SGTA: variants seen among roughly 807,000 people sequenced by gnomAD.
SGTA encodes small glutamine rich tetratricopeptide repeat co-chaperone alpha, also known as small glutamine-rich tetratricopeptide repeat-containing protein alpha.
In SGTA, 22 loss-of-function variants were observed where a neutral mutation model predicts 44.3. The observed-to-expected ratio is 0.50, with a 90% CI of 0.36 to 0.71. The LOEUF is 0.71. SGTA is among the 30% of genes least tolerant of loss of function. The pLI, the probability that SGTA is intolerant of heterozygous loss-of-function variation, is 0.00. For missense variants in SGTA, 341 were observed against 435.9 expected, an observed-to-expected ratio of 0.78 and a Z score of 1.94; for synonymous variants, 174 against 177.6, an observed-to-expected ratio of 0.98 and a Z score of 0.16.
intron 11 of SGTA, among the ~76,000 whole-genome samples, chr19:2,756,226 AAAAT>A (rs1034392707): frequency 1.7e-4 from 26 of 152,128 alleles, no homozygotes; most frequent in African/African-American, 6.0e-4. Flanking sequence ...AAGAAAAGGA[AAAAT>A]AAATAAAAGC....
Position 2,761,678 on chromosome 19 carries a change from C to T in SGTA, c.637-156G>A, listed in dbSNP as rs553433244. On this transcript the variant is annotated intron_variant, in intron 7 of 11. Transcript: ENST00000221566. The surrounding 1 kb of genome is among the most constrained non-coding windows in gnomAD (Gnocchi z 5.7). ...TTGAGGCAGGCAGCACGAAGCACAT[C>T]GCAACCGCCCGGGGACGGCACAGTC... 3.9e-5 allele frequency among the ~76,000 whole-genome samples: 6 copies of T among 152,252 alleles called. No individual in the cohort carries two copies. The South Asian group carries it at 8.3e-4, about 21-fold the overall frequency.
In SGTA at chr19:2,765,536, T is replaced by A. The variant is rs537102407; in HGVS notation, c.293-251A>T. Among the ~76,000 whole-genome samples, 29 of 152,304 alleles carry A rather than the reference T, an allele frequency of 1.9e-4. No individual in the cohort carries two copies. The highest frequency in any genetic ancestry group is 6.3e-4 in the African/African-American group (26 of 41,560). On this transcript the variant is annotated intron_variant, in intron 4 of 11. Transcript: ENST00000221566. This position sits in a 1 kb window ranked among gnomAD's most constrained non-coding sequence, Gnocchi z 5.5. ...GAGGTGGGGGCGGCAGGGCCTGGCCTGGCCTGTGCCTGGCGACGGTGGCTG... is the reference window on the plus strand; with the variant it reads ...GAGGTGGGGGCGGCAGGGCCTGGCCAGGCCTGTGCCTGGCGACGGTGGCTG...
Position 2,767,790 on chromosome 19 carries a change from C to T in SGTA, c.101-104G>A. 2 of 846,826 alleles carry T rather than the reference C, an allele frequency of 2.4e-6. No individual in the cohort carries two copies. Among genetic ancestry groups the T allele is most frequent in the South Asian group, 1.4e-5 (1 of 69,994 alleles). 52.5% of individuals were successfully genotyped at this position (846,826 alleles called of 1,614,324 possible). A position where few individuals can be genotyped will look rare whatever the true frequency, so the allele number is the denominator to read the frequency against. On this transcript the variant is annotated intron_variant, in intron 2 of 11. Coordinates refer to ENST00000221566, the MANE Select transcript of SGTA (RefSeq NM_003021.4). This position sits in a 1 kb window ranked among gnomAD's most constrained non-coding sequence, Gnocchi z 7.3. ...GTGCTCATGCTTCCCCAGGTGTGTT[C>T]ATTCCCAAGGACCCCAGAACGCAGG...
chr19:2,779,907 C>G (rs1915533008), intron 1 of SGTA, among the ~76,000 whole-genome samples: 1 of 151,870 alleles, frequency 6.6e-6, no homozygotes, highest in Non-Finnish European at 1.5e-5. Context: ...TAGTGAGACC[C>G]TACAAAAGAG....
intron 11 of SGTA, 78 bp from the exon 12 acceptor site, chr19:2,756,011 G>A (rs1262080971): frequency 2.3e-6 from 2 of 857,610 alleles, no homozygotes; most frequent in East Asian, 1.2e-4. Flanking sequence ...GGCAGCAGGA[G>A]AGGCCCAGAG....
rs991640139 is a variant in SGTA at position 2,765,687 on chromosome 19, C to T, written c.293-402G>A. Among the ~76,000 whole-genome samples the T allele has an allele frequency of 1.3e-5, 2 of 152,134 alleles. No homozygotes were observed. The highest frequency in any genetic ancestry group is 4.8e-5 in the African/African-American group (2 of 41,412). On this transcript the variant is annotated intron_variant, in intron 4 of 11. Coordinates refer to ENST00000221566, the MANE Select transcript of SGTA (RefSeq NM_003021.4). The surrounding 1 kb of genome is among the most constrained non-coding windows in gnomAD (Gnocchi z 5.5). ...AAGTGGAGGCCTGTATTTTGGAATA[C>T]TCATGTGATACCTTCTCATTTCATA...
At chr19:2,756,435 G>C (rs1424577127) in intron 11 of SGTA, among the ~76,000 whole-genome samples, 1 of 147,568 alleles carries the variant, frequency 6.8e-6, no homozygotes, top group Non-Finnish European at 1.5e-5. Context: ...CAGCCGGGGG[G>C]ACAGAGCAGG....
intron 9 of SGTA, among the ~76,000 whole-genome samples, chr19:2,758,677 T>G (rs992959100): frequency 6.6e-6 from 1 of 152,186 alleles, no homozygotes; most frequent in Admixed American, 6.5e-5. Flanking sequence ...CACAGACGAT[T>G]GCACACCCGT....
At chr19:2,770,581 G>GCCC (rs1396066665) in intron 1 of SGTA, 1 of 152,736 alleles carries the variant, frequency 6.5e-6, no homozygotes, top group African/African-American at 2.4e-5. Context: ...CCCCGCCCCC[G>GCCC]CCGCTGGAGC....
Position 2,764,633 on chromosome 19 carries a change from C to T in SGTA, c.392+553G>A, listed in dbSNP as rs572644132. 4.6e-5 allele frequency among the ~76,000 whole-genome samples: 7 copies of T among 152,248 alleles called. No homozygotes were observed. The South Asian group carries it at 6.2e-4, about 14-fold the overall frequency. ...TGTCACCCAAGATGGAGGGCAGTGGCGCAATCTTGGCTCACTGCAACCTCT... is the reference window on the plus strand; with the variant it reads ...TGTCACCCAAGATGGAGGGCAGTGGTGCAATCTTGGCTCACTGCAACCTCT... On this transcript the variant is annotated intron_variant, in intron 5 of 11. Coordinates refer to ENST00000221566, the MANE Select transcript of SGTA (RefSeq NM_003021.4).
chr19:2,757,307 AC>A lies in SGTA; in HGVS notation c.*6+29del, dbSNP rs748556473. 9 of 1,593,600 alleles carry A rather than the reference AC, an allele frequency of 5.6e-6. No individual in the cohort carries two copies. The South Asian group carries it at 6.6e-5, about 12-fold the overall frequency. ...TCACGTGGTGTCACTCCTGCTGGCC[AC>A]CCCCCAGCCCCCGGCCCCATGCACT... On this transcript the variant is annotated intron_variant, in intron 11 of 11. Transcript: ENST00000221566.
intron 2 of SGTA, 140 bp downstream of exon 2, chr19:2,768,821 CCTGGGCAG>C (rs1457140977): frequency 1.6e-6 from 1 of 634,596 alleles, no homozygotes; most frequent in Non-Finnish European, 2.8e-6. Context: ...GCTGTGTGGC[CCTGGGCAG>C]ACCCCTGCCC....
chr19:2,764,668 G>T (rs1433196524), intron 5 of SGTA, among the ~76,000 whole-genome samples: 2 of 152,164 alleles, frequency 1.3e-5, no homozygotes, highest in African/African-American at 2.4e-5. Context: ...TGCCTCCCAG[G>T]TTCAAACCAT....
At chr19:2,771,576 G>C (rs1374013798) in intron 1 of SGTA, among the ~76,000 whole-genome samples, 5 of 22,346 alleles carry the variant, frequency 2.2e-4, no homozygotes, top group African/African-American at 7.0e-4. Context: ...CCTCCCCATC[G>C]GGGGGGGGGG....
At position 2,767,721 on chromosome 19, in the gene SGTA, A is replaced by T; in HGVS notation, c.101-35T>A. On this transcript the variant is annotated intron_variant, in intron 2 of 11. Transcript: ENST00000221566. The surrounding 1 kb of genome is among the most constrained non-coding windows in gnomAD (Gnocchi z 7.3). ...GGACAGAGGCGGTCCCATTCATTGC[A>T]CGCAGCCCCGAGGTTACGTTTTTGG... is the stretch of plus-strand genomic sequence containing the variant. 6.5e-7 allele frequency: 1 copy of T among 1,543,464 alleles called. No individual in the cohort carries two copies. The highest frequency in any genetic ancestry group is 9.0e-7 in the Non-Finnish European group (1 of 1,116,480).
In SGTA at chr19:2,755,420, G is replaced by A. The variant is rs997315804; in HGVS notation, c.*520C>T. On this transcript the variant is annotated 3_prime_UTR_variant, in exon 12 of 12. Transcript: ENST00000221566. The surrounding 1 kb of genome is among the most constrained non-coding windows in gnomAD (Gnocchi z 5.2). Reference sequence around the variant, plus strand: ...CCTCATGCAAACACACATGGCCCGCGGTGCCCAGGCCGCAGCTGGCAGTGA... The same window carrying A: ...CCTCATGCAAACACACATGGCCCGCAGTGCCCAGGCCGCAGCTGGCAGTGA... 1.6e-5 allele frequency: 16 copies of A among 987,580 alleles called. No homozygotes were observed. Among genetic ancestry groups the A allele is most frequent in the Admixed American group, 6.1e-5 (1 of 16,280 alleles). The allele number at this position is 987,580 out of a possible 1,614,324, so 61.2% of individuals were successfully genotyped here. A position where few individuals can be genotyped will look rare whatever the true frequency, so the allele number is the denominator to read the frequency against.
intron 1 of SGTA, among the ~76,000 whole-genome samples, chr19:2,779,635 C>T (rs529488419): frequency 1.8e-4 from 28 of 152,326 alleles, no homozygotes; most frequent in East Asian, 5.8e-4. Context: ...AGGCAGAGGC[C>T]GCAGAAGTGA....
chr19:2,774,457 G>A (rs1175607289), intron 1 of SGTA, among the ~76,000 whole-genome samples: 3 of 152,124 alleles, frequency 2.0e-5, no homozygotes, highest in Admixed American at 6.5e-5. Context: ...ATAAGAAAAC[G>A]ACACTTCCTA....
At chr19:2,779,418 G>T (rs1022445490) in intron 1 of SGTA, among the ~76,000 whole-genome samples, 1 of 152,146 alleles carries the variant, frequency 6.6e-6, no homozygotes. Flanking sequence ...AGGCTTTCCC[G>T]TAAGAAAGTT....
Sources: allele counts gnomAD v4.1 joint callset (sites outside exome capture counted in the v4.1 genomes callset), GRCh38; gene constraint gnomAD v4.1.1; non-coding constraint Gnocchi (gnomAD v3.1); transcripts MANE v1.5; gene names NCBI Gene and HGNC (gene_info 2026-07-23, HGNC 2026-07-21).